The following MYT1L variants were observed in gnomAD, a reference collection of about 807,000 sequenced individuals.
MYT1L encodes myelin transcription factor 1 like.
In MYT1L, 12 loss-of-function variants were observed where a neutral mutation model predicts 126.7. The observed-to-expected ratio is 0.09, with a 90% CI of 0.06 to 0.15. The LOEUF (loss-of-function observed/expected upper bound fraction) is 0.15. Ranked by LOEUF, MYT1L falls within the 10% of genes least tolerant of loss-of-function variation. MYT1L has a pLI of 1.00. For missense variants in MYT1L, 979 were observed against 1,585.2 expected (o/e 0.62, Z 6.49); for synonymous variants, 541 against 604.2 (o/e 0.90, Z 1.53).
chr2:2,081,987 T>A (rs1408281150), intron 3 of MYT1L, among the ~76,000 whole-genome samples: 1 of 152,086 alleles, frequency 6.6e-6, no homozygotes, highest in East Asian at 1.9e-4. Context: ...GTGATCTGCC[T>A]GCATCGGCCT....
chr2:2,120,045 A>C (rs2080775493), intron 3 of MYT1L, among the ~76,000 whole-genome samples: 1 of 152,182 alleles, frequency 6.6e-6, no homozygotes. Context: ...CAACCTTAGG[A>C]GATTTGCCCA....
At chr2:1,914,052 G>A (rs531074524) in intron 11 of MYT1L, among the ~76,000 whole-genome samples, 15 of 152,026 alleles carry the variant, frequency 9.9e-5, no homozygotes, top group East Asian at 1.9e-4. Context: ...TCAGGAGTTC[G>A]AGACCAGCCT....
intron 4 of MYT1L, among the ~76,000 whole-genome samples, chr2:2,003,828 C>T (rs1364107694): frequency 6.6e-6 from 1 of 152,240 alleles, no homozygotes; most frequent in East Asian, 1.9e-4. Context: ...TGGCCCCAGG[C>T]CCGGCTGCTT....
chr2:2,305,327 C>T (rs1322914670), intron 1 of MYT1L, among the ~76,000 whole-genome samples: 4 of 152,318 alleles, frequency 2.6e-5, no homozygotes, highest in African/African-American at 4.8e-5. Flanking sequence ...TTCATTCCTA[C>T]AGTTGATGGC....
At chr2:1,930,982 C>T (rs1558439407) in intron 9 of MYT1L, among the ~76,000 whole-genome samples, 1 of 152,232 alleles carries the variant, frequency 6.6e-6, no homozygotes, top group African/African-American at 2.4e-5. Flanking sequence ...GGCCGGAGGA[C>T]CTGTGGTTTA....
At chr2:2,078,647 T>C (rs1382383099) in intron 3 of MYT1L, among the ~76,000 whole-genome samples, 2 of 152,164 alleles carry the variant, frequency 1.3e-5, no homozygotes, top group African/African-American at 4.8e-5. Flanking sequence ...ATAACAATTA[T>C]AAACATATGT....
chr2:2,327,863 G>T (rs1315404996), intron 1 of MYT1L, among the ~76,000 whole-genome samples: 1 of 152,096 alleles, frequency 6.6e-6, no homozygotes, highest in South Asian at 2.1e-4. Context: ...AAACCTTTAA[G>T]TTGTTTGAAG....
At chr2:2,288,531 G>T (rs567609704) in intron 1 of MYT1L, among the ~76,000 whole-genome samples, 3 of 152,014 alleles carry the variant, frequency 2.0e-5, no homozygotes, top group African/African-American at 7.2e-5. Context: ...CAAAAGATTT[G>T]GTCACAGCAT....
At chr2:2,128,585 A>G (rs900614078) in intron 3 of MYT1L, among the ~76,000 whole-genome samples, 7 of 152,256 alleles carry the variant, frequency 4.6e-5, no homozygotes, top group African/African-American at 1.4e-4. Flanking sequence ...GGATTATTCT[A>G]TGTAAAAACA....
At chr2:1,927,977 A>T (rs147794024) in intron 9 of MYT1L, among the ~76,000 whole-genome samples, 1 of 152,342 alleles carries the variant, frequency 6.6e-6, no homozygotes, top group African/African-American at 2.4e-5. Context: ...TGTTTGAGAC[A>T]GGGTCTGGCT....
At chr2:2,178,507 C>A (rs1275531418) in intron 2 of MYT1L, among the ~76,000 whole-genome samples, 2 of 152,146 alleles carry the variant, frequency 1.3e-5, no homozygotes, top group Admixed American at 1.3e-4. Context: ...GGATTGGTGC[C>A]GTGTCAGAAC....
In MYT1L at chr2:1,793,790, C is replaced by T. The variant is rs929539191; in HGVS notation, c.3277-1326G>A. 2.0e-5 allele frequency among the ~76,000 whole-genome samples: 3 copies of T among 152,136 alleles called. No individual in the cohort carries two copies. Among genetic ancestry groups the T allele is most frequent in the Non-Finnish European group, 4.4e-5 (3 of 68,032 alleles). On this transcript the variant is annotated intron_variant, in intron 23 of 24. Coordinates refer to ENST00000647738, the MANE Select transcript of MYT1L (RefSeq NM_001303052.2). This position sits in a 1 kb window ranked among gnomAD's most constrained non-coding sequence, Gnocchi z 4.6. ...GCACGTCCTGGGTGACCTTCTCATT[C>T]GTGTTCTTTGGGGTTATTTATCAAA...
chr2:1,937,160 G>A (rs1490462470), intron 9 of MYT1L, among the ~76,000 whole-genome samples: 1 of 152,098 alleles, frequency 6.6e-6, no homozygotes, highest in Admixed American at 6.5e-5. Context: ...AAGAGTCAGG[G>A]CACACTCCTC....
chr2:1,789,138 T>G lies in MYT1L; in HGVS notation c.*2729A>C, dbSNP rs962428982. On this transcript the variant is annotated 3_prime_UTR_variant, in exon 25 of 25. Transcript: ENST00000647738. The stretch of plus-strand genomic sequence containing the variant: ...TTAGAGATCCTTCGTGCTACAAATG[T>G]GGCAACACCTTGTTTATTTAGAGTA... 1 of 152,246 alleles carries G rather than the reference T, an allele frequency of 6.6e-6. No homozygotes were observed. The highest frequency in any genetic ancestry group is 1.5e-5 in the Non-Finnish European group (1 of 68,042). The allele number at this position is 152,246 out of a possible 1,614,324, so 9.4% of individuals were successfully genotyped here.
intron 3 of MYT1L, among the ~76,000 whole-genome samples, chr2:2,140,361 T>C (rs1350044500): frequency 6.6e-6 from 1 of 152,102 alleles, no homozygotes; most frequent in Non-Finnish European, 1.5e-5. Flanking sequence ...AGTGCACTTA[T>C]TCTGTTTTGT....
intron 1 of MYT1L, among the ~76,000 whole-genome samples, chr2:2,315,333 A>G (rs564954701): frequency 1.3e-4 from 19 of 148,432 alleles, no homozygotes; most frequent in Admixed American, 4.7e-4. Context: ...AGCCAAAGTA[A>G]GCATTAAATA....
chr2:2,313,746 C>G (rs1384730458), intron 1 of MYT1L, among the ~76,000 whole-genome samples: 1 of 152,082 alleles, frequency 6.6e-6, no homozygotes, highest in Non-Finnish European at 1.5e-5. Flanking sequence ...TTTAGAGACA[C>G]TATACATTCT....
intron 21 of MYT1L, among the ~76,000 whole-genome samples, chr2:1,821,409 T>A (rs1364537758): frequency 6.6e-6 from 1 of 152,208 alleles, no homozygotes; most frequent in Non-Finnish European, 1.5e-5. Flanking sequence ...GTAAACTTTT[T>A]ATTTATTTTT....
intron 4 of MYT1L, among the ~76,000 whole-genome samples, chr2:2,052,561 T>C (rs547673139): frequency 2.0e-5 from 3 of 152,294 alleles, no homozygotes; most frequent in South Asian, 4.1e-4. Flanking sequence ...CTAATATCTA[T>C]AATATATAAG....
Sources: allele counts gnomAD v4.1 joint callset (sites outside exome capture counted in the v4.1 genomes callset), GRCh38; gene constraint gnomAD v4.1.1; non-coding constraint Gnocchi (gnomAD v3.1); transcripts MANE v1.5; gene names NCBI Gene and HGNC (gene_info 2026-07-23, HGNC 2026-07-21).